The following SIL1 variants were observed in gnomAD, a reference collection of about 807,000 sequenced individuals.
The protein encoded by SIL1 is nucleotide exchange factor SIL1.
A neutral mutation model predicts 49.1 loss-of-function variants in SIL1; 40 were observed. That is an observed-to-expected ratio of 0.81 (90% CI 0.63 to 1.06). The LOEUF (loss-of-function observed/expected upper bound fraction) is 1.06. Ranked by LOEUF, SIL1 falls within the 50% of genes least tolerant of loss-of-function variation. The probability of loss-of-function intolerance (pLI) is 0.00; values close to 1 mark genes in which losing one functional copy is unlikely to be tolerated. For synonymous variants in SIL1, 253 were observed against 250.8 expected (o/e 1.01, Z -0.08); for missense variants, 500 against 572.6 (o/e 0.87, Z 1.29).
intron 7 of SIL1, among the ~76,000 whole-genome samples, chr5:139,020,940 G>A (rs1248463798): frequency 6.6e-6 from 1 of 152,180 alleles, no homozygotes; most frequent in Non-Finnish European, 1.5e-5. Flanking sequence ...GACCTAAGAT[G>A]TGTTATTAAA....
In SIL1 at chr5:139,026,560, G is replaced by A. The variant is rs1322301957; in HGVS notation, c.645+241C>T. 3.3e-5 allele frequency among the ~76,000 whole-genome samples: 5 copies of A among 152,140 alleles called. No homozygotes were observed. In the East Asian group the frequency reaches 7.7e-4, roughly 23 times the overall value. ...GGAGGTTGCAGTGAGCCGAGATCGC[G>A]CCACTGCACTCCAGGCTGGGTGACC... On this transcript the variant is annotated intron_variant, in intron 6 of 9. Transcript: ENST00000394817.
chr5:138,951,910 G>A (rs1766788747), intron 7 of SIL1, 26 bp from the exon 8 acceptor site: 2 of 1,588,934 alleles, frequency 1.3e-6, no homozygotes, highest in Non-Finnish European at 1.7e-6. Flanking sequence ...AGGACAGCAT[G>A]ACTACCCTGC....
chr5:139,120,192 T>C (rs539937089), intron 3 of SIL1, among the ~76,000 whole-genome samples: 2 of 152,308 alleles, frequency 1.3e-5, no homozygotes, highest in East Asian at 3.9e-4. Flanking sequence ...TGGCAGCTGC[T>C]GGGGCTTGCC....
intron 1 of SIL1, among the ~76,000 whole-genome samples, chr5:139,184,061 A>G (rs1325157509): frequency 6.6e-6 from 1 of 152,180 alleles, no homozygotes; most frequent in Non-Finnish European, 1.5e-5. Flanking sequence ...GGTTTCTCCA[A>G]AAAGTGGAGA....
chr5:138,960,501 C>T (rs1295812941), intron 7 of SIL1, among the ~76,000 whole-genome samples: 3 of 150,532 alleles, frequency 2.0e-5, no homozygotes, highest in South Asian at 4.2e-4. Context: ...AAGCTCACTG[C>T]AACCTCCACC....
chr5:139,055,277 C>T (rs1023119289), intron 3 of SIL1, among the ~76,000 whole-genome samples: 3 of 152,152 alleles, frequency 2.0e-5, no homozygotes, highest in Non-Finnish European at 4.4e-5. Context: ...TTGACTCCCA[C>T]TGACACTGTC....
intron 1 of SIL1, among the ~76,000 whole-genome samples, chr5:139,176,993 C>T (rs1322716951): frequency 2.2e-5 from 3 of 134,752 alleles, no homozygotes; most frequent in Admixed American, 1.7e-4. Context: ...AGTGCAGTGA[C>T]GCAAGCTTCG....
chr5:138,954,813 T>A (rs1257756729), intron 7 of SIL1, among the ~76,000 whole-genome samples: 1 of 152,202 alleles, frequency 6.6e-6, no homozygotes, highest in African/African-American at 2.4e-5. Context: ...GGGAATCTCA[T>A]AAGCAATGAA....
intron 3 of SIL1, among the ~76,000 whole-genome samples, chr5:139,112,006 G>C (rs981303202): frequency 6.6e-6 from 1 of 152,222 alleles, no homozygotes; most frequent in African/African-American, 2.4e-5. Context: ...CGCCACGCCT[G>C]ACTGGTTTTC....
intron 7 of SIL1, among the ~76,000 whole-genome samples, chr5:138,960,276 A>C (rs1766989697): frequency 6.6e-6 from 1 of 152,226 alleles, no homozygotes; most frequent in African/African-American, 2.4e-5. Context: ...ACCAGAATGC[A>C]GGTTAGACAG....
chr5:139,163,629 C>T (rs747063538), intron 1 of SIL1, among the ~76,000 whole-genome samples: 27 of 152,112 alleles, frequency 1.8e-4, no homozygotes, highest in Admixed American at 1.1e-3. Context: ...CTCGGCCTCC[C>T]AAAGTGCTGG....
chr5:139,090,760 A>G (rs1414455334), intron 3 of SIL1, among the ~76,000 whole-genome samples: 3 of 151,976 alleles, frequency 2.0e-5, no homozygotes, highest in South Asian at 2.1e-4. Flanking sequence ...ACGCACCACT[A>G]CACCTGGCTA....
chr5:139,084,527 C>T (rs1473704248), intron 3 of SIL1, among the ~76,000 whole-genome samples: 10 of 105,554 alleles, frequency 9.5e-5, no homozygotes, highest in East Asian at 2.6e-4. Flanking sequence ...AGTAAACTAT[C>T]GCAAGAACAA....
intron 7 of SIL1, among the ~76,000 whole-genome samples, chr5:138,972,777 C>T (rs2060222): frequency 0.31 from 47,005 of 152,126 alleles, 7,536 homozygotes; most frequent in Middle Eastern, 0.43. Flanking sequence ...ACAAATACCT[C>T]AAAATAGTAC....
intron 3 of SIL1, among the ~76,000 whole-genome samples, chr5:139,110,852 C>G (rs1745892835): frequency 6.6e-6 from 1 of 152,224 alleles, no homozygotes; most frequent in African/African-American, 2.4e-5. Context: ...TTGCCAGAAA[C>G]CTGGCTTCAC....
intron 1 of SIL1, among the ~76,000 whole-genome samples, chr5:139,183,871 C>T (rs933045259): frequency 1.3e-5 from 2 of 152,200 alleles, no homozygotes; most frequent in Non-Finnish European, 2.9e-5. Context: ...TAAATTATAT[C>T]CAAGGACTAC....
intron 7 of SIL1, among the ~76,000 whole-genome samples, chr5:139,017,612 T>C (rs1318367227): frequency 6.6e-6 from 1 of 152,064 alleles, no homozygotes; most frequent in Non-Finnish European, 1.5e-5. Flanking sequence ...AAGTCAGTGT[T>C]ACATGGGGCA....
chr5:138,955,537 C>T lies in SIL1; in HGVS notation c.768-3653G>A, dbSNP rs529966086. 2.4e-3 allele frequency among the ~76,000 whole-genome samples: 368 copies of T among 152,280 alleles called. 8 individuals are homozygous for T. Among genetic ancestry groups the T allele is most frequent in the African/African-American group, 7.2e-4 (30 of 41,560 alleles). On this transcript the variant is annotated intron_variant, in intron 7 of 9. Coordinates refer to ENST00000394817, the MANE Select transcript of SIL1 (RefSeq NM_022464.5). ...GAGTCAGAGGTCATATTTTAGCTAACTGAAGCTAAGCAAGTGTCTGGGTGG... is the reference window on the plus strand; with the variant it reads ...GAGTCAGAGGTCATATTTTAGCTAATTGAAGCTAAGCAAGTGTCTGGGTGG...
At chr5:139,180,179 G>C (rs1047672838) in intron 1 of SIL1, among the ~76,000 whole-genome samples, 6 of 151,056 alleles carry the variant, frequency 4.0e-5, no homozygotes, top group African/African-American at 1.5e-4. Flanking sequence ...AGGAGTTCAA[G>C]ACCAGCCTGA....
Sources: gnomAD v4.1 joint callset for allele counts (sites outside exome capture counted in the v4.1 genomes callset) on GRCh38, gnomAD v4.1.1 for gene constraint, MANE v1.5 for transcripts, NCBI Gene and HGNC (gene_info 2026-07-23, HGNC 2026-07-21) for gene names.